The following DMGDH variants were observed in gnomAD, a reference collection of about 807,000 sequenced individuals.
DMGDH encodes dimethylglycine dehydrogenase.
Under a neutral mutation model 95.2 loss-of-function variants are expected in DMGDH, and 76 were observed. The ratio of observed to expected loss-of-function variants is 0.80; its 90% CI spans 0.66 to 0.97. The LOEUF (loss-of-function observed/expected upper bound fraction) is 0.97, where lower values mean the gene tolerates loss of function less well. Ranked by LOEUF, DMGDH falls within the 50% of genes least tolerant of loss-of-function variation. The pLI is 0.00. For missense variants in DMGDH, 987 were observed against 1,055.0 expected (o/e 0.94, Z 0.89); for synonymous variants, 345 against 377.6 (o/e 0.91, Z 1.00).
intron 2 of DMGDH, among the ~76,000 whole-genome samples, chr5:79,059,988 C>T (rs1461070820): frequency 1.3e-5 from 2 of 152,196 alleles, no homozygotes; most frequent in Admixed American, 6.5e-5. Context: ...TCCTATAGCA[C>T]GCAATCTGCA....
intron 14 of DMGDH, among the ~76,000 whole-genome samples, chr5:79,010,043 T>C (rs1407169738): frequency 6.6e-6 from 1 of 152,216 alleles, no homozygotes; most frequent in Non-Finnish European, 1.5e-5. Flanking sequence ...AAAAATAGTC[T>C]TGGCTTCTGT....
At chr5:79,038,233 C>T (rs1000934885) in intron 7 of DMGDH, among the ~76,000 whole-genome samples, 4 of 152,046 alleles carry the variant, frequency 2.6e-5, no homozygotes, top group African/African-American at 7.3e-5. Context: ...CCTGAAATCC[C>T]AGCACTTTGG....
chr5:79,006,171 C>T (rs1037674605), intron 14 of DMGDH, among the ~76,000 whole-genome samples: 4 of 145,504 alleles, frequency 2.7e-5, no homozygotes, highest in African/African-American at 5.1e-5. Flanking sequence ...GGAATGACAG[C>T]GACATTGTTA....
chr5:79,003,555 A>G (rs1753491174), intron 15 of DMGDH, among the ~76,000 whole-genome samples: 1 of 152,242 alleles, frequency 6.6e-6, no homozygotes, highest in South Asian at 2.1e-4. Context: ...CCAGGCTTAC[A>G]GACAGGCGAA....
chr5:79,022,814 G>A lies in DMGDH; in HGVS notation c.2250+1457C>T, dbSNP rs545717126. On this transcript the variant is annotated intron_variant, in intron 14 of 15. Coordinates refer to ENST00000255189, the MANE Select transcript of DMGDH (RefSeq NM_013391.3). ...CCCCAAACAATAATATCCGAACACT[G>A]AAGCAAAAGAATCAGTTATCTATCT... Among the ~76,000 whole-genome samples, 91 of 152,330 alleles carry A rather than the reference G, an allele frequency of 6.0e-4. 1 individual carries two copies. The South Asian group carries it at 0.018, about 31-fold the overall frequency.
intron 7 of DMGDH, among the ~76,000 whole-genome samples, chr5:79,038,410 G>C (rs184579688): frequency 3.3e-5 from 5 of 152,234 alleles, no homozygotes; most frequent in Admixed American, 1.3e-4. Context: ...CTTGAACCCG[G>C]GAGGTGGAGG....
intron 6 of DMGDH, among the ~76,000 whole-genome samples, chr5:79,043,901 G>T (rs1392538177): frequency 6.6e-6 from 1 of 152,158 alleles, no homozygotes; most frequent in Non-Finnish European, 1.5e-5. Context: ...TATTAGGATG[G>T]ATATCTGGCC....
chr5:79,033,202 T>C (rs1429277376), intron 8 of DMGDH, 37 bp downstream of exon 8: 1 of 1,613,090 alleles, frequency 6.2e-7, no homozygotes, highest in South Asian at 1.1e-5. Context: ...TTCAATTCCG[T>C]CAACACTTTG....
chr5:79,038,513 G>A (rs940450255), intron 7 of DMGDH, among the ~76,000 whole-genome samples: 16 of 151,970 alleles, frequency 1.1e-4, no homozygotes, highest in African/African-American at 2.4e-4. Flanking sequence ...TATAGTAGTC[G>A]CATAAGAATA....
chr5:79,066,562 G>A (rs961618541), intron 1 of DMGDH, among the ~76,000 whole-genome samples: 2 of 151,780 alleles, frequency 1.3e-5, no homozygotes, highest in African/African-American at 4.8e-5. Context: ...CCAAAGTGCT[G>A]TGATTACAGG....
At chr5:79,013,184 CT>C (rs753150319) in intron 14 of DMGDH, among the ~76,000 whole-genome samples, 2 of 152,212 alleles carry the variant, frequency 1.3e-5, no homozygotes, top group Non-Finnish European at 2.9e-5. Context: ...ATCTTGAATG[CT>C]TTGCTGCTTA....
Position 79,069,597 on chromosome 5 carries a change from C to T in DMGDH, c.24G>A (p.Leu8=). ...AGCTCCGCAGCAGGAGGCCCCGCAGCAGCTGCGCGCCGGGACGGAGCATGA... is the reference window on the plus strand; with the variant it reads ...AGCTCCGCAGCAGGAGGCCCCGCAGTAGCTGCGCGCCGGGACGGAGCATGA... MLRPGAQ[L]LRGLLLRSCP... The change falls in exon 1 of 16, where the codon CTG becomes CTA. Residue 8 remains leucine (L), a synonymous_variant. Transcript: ENST00000255189. 2 of 1,368,194 alleles carry T rather than the reference C, an allele frequency of 1.5e-6. No individual in the cohort carries two copies. Among genetic ancestry groups the T allele is most frequent in the Admixed American group, 2.9e-5 (1 of 34,352 alleles). The allele number at this position is 1,368,194 out of a possible 1,614,324, so 84.8% of individuals were successfully genotyped here.
intron 2 of DMGDH, among the ~76,000 whole-genome samples, chr5:79,060,555 C>T (rs1448626810): frequency 6.6e-6 from 1 of 152,168 alleles, no homozygotes; most frequent in African/African-American, 2.4e-5. Context: ...TTTTTATAGT[C>T]TGCCTCTTGT....
chr5:78,998,004 T>A lies in DMGDH; in HGVS notation c.*78A>T. ...GAAATGAATTCCTGGTTTCCTCTAT[T>A]CCCCTGGGAGCCAGTTATAATAATT... On this transcript the variant is annotated 3_prime_UTR_variant, in exon 16 of 16. Transcript: ENST00000255189. 1 of 1,459,898 alleles carries A rather than the reference T, an allele frequency of 6.8e-7. No individual in the cohort carries two copies. The highest frequency in any genetic ancestry group is 1.4e-5 in the African/African-American group (1 of 71,458). 90.4% of individuals were successfully genotyped at this position (1,459,898 alleles called of 1,614,324 possible). A position where few individuals can be genotyped will look rare whatever the true frequency, so the allele number is the denominator to read the frequency against.
intron 14 of DMGDH, among the ~76,000 whole-genome samples, chr5:79,014,267 C>G (rs1753691468): frequency 6.6e-6 from 1 of 152,158 alleles, no homozygotes; most frequent in African/African-American, 2.4e-5. Context: ...CATTACATGT[C>G]TTTAATATTA....
chr5:79,017,706 G>A (rs992399195), intron 14 of DMGDH, among the ~76,000 whole-genome samples: 1 of 152,194 alleles, frequency 6.6e-6, no homozygotes, highest in Admixed American at 6.5e-5. Context: ...GTACACAAAT[G>A]TTCACAGTGT....
At position 79,032,822 on chromosome 5, in the gene DMGDH, T is replaced by C; in HGVS notation, c.1382A>G (p.Glu461Gly). The change falls in exon 9 of 16, where the codon GAA becomes GGA. Residue 461 changes from glutamate (E) to glycine (G), a missense_variant. Glu to Gly is a moderately conservative substitution (Grantham distance 98, BLOSUM62 -2). Transcript: ENST00000255189. ...TTGAGTCGGCCTCCCAGCAAACCGT[T>C]CTTCTTTAGGATAACCAACTGAAAA... ...FNNIVGYPKE[E>G]RFAGRPTQRV... 6.2e-7 allele frequency: 1 copy of C among 1,614,166 alleles called. No individual in the cohort carries two copies. The highest frequency in any genetic ancestry group is 8.5e-7 in the Non-Finnish European group (1 of 1,180,032).
At chr5:79,051,153 G>T in intron 5 of DMGDH, 134 bp downstream of exon 5, 1 of 1,019,564 alleles carries the variant, frequency 9.8e-7, no homozygotes, top group Non-Finnish European at 1.5e-6. Flanking sequence ...TTGTCACTTA[G>T]AAACAGACAA....
chr5:79,046,697 T>C (rs1754684553), intron 5 of DMGDH, among the ~76,000 whole-genome samples: 1 of 152,186 alleles, frequency 6.6e-6, no homozygotes, highest in South Asian at 2.1e-4. Context: ...AATTTACTCT[T>C]GCTAGTAGGA....
Sources: gnomAD v4.1 joint callset for allele counts (sites outside exome capture counted in the v4.1 genomes callset) on GRCh38, gnomAD v4.1.1 for gene constraint, MANE v1.5 for transcripts, NCBI Gene and HGNC (gene_info 2026-07-23, HGNC 2026-07-21) for gene names.